The following ZMYM2 variants were observed in gnomAD, a reference collection of about 807,000 sequenced individuals.
ZMYM2 encodes the protein zinc finger MYM-type containing 2.
In ZMYM2, 56 loss-of-function variants were observed where a neutral mutation model predicts 162.8. The ratio of observed to expected loss-of-function variants is 0.34; its 90% CI spans 0.28 to 0.43. The LOEUF (loss-of-function observed/expected upper bound fraction) is 0.43, where lower values mean the gene tolerates loss of function less well. ZMYM2 is among the 20% of genes least tolerant of loss of function. The pLI, the probability that ZMYM2 is intolerant of heterozygous loss-of-function variation, is 1.00. For synonymous variants in ZMYM2, 510 were observed against 541.6 expected (o/e 0.94, Z 0.81); for missense variants, 1,275 against 1,621.8 (o/e 0.79, Z 3.67).
chr13:20,031,990 C>T (rs536422904), intron 10 of ZMYM2, among the ~76,000 whole-genome samples: 51 of 151,254 alleles, frequency 3.4e-4, no homozygotes, highest in African/African-American at 1.2e-3. Flanking sequence ...CCTGCCTCAG[C>T]GTCCCAAGTA....
intron 12 of ZMYM2, among the ~76,000 whole-genome samples, chr13:20,043,243 G>A (rs1375766893): frequency 6.6e-6 from 1 of 152,186 alleles, no homozygotes; most frequent in African/African-American, 2.4e-5. Context: ...AGACTGACGT[G>A]TTTGGGGCCG....
chr13:19,894,639 G>A, the ZMYM2 span, among the ~76,000 whole-genome samples: 2 of 151,930 alleles, frequency 1.3e-5, no homozygotes, highest in Non-Finnish European at 2.9e-5. Flanking sequence ...CCTTGGCCCA[G>A]CCAAAGTACT....
intron 2 of ZMYM2, among the ~76,000 whole-genome samples, chr13:19,986,574 T>G (rs1949160861): frequency 6.6e-6 from 1 of 151,828 alleles, no homozygotes; most frequent in African/African-American, 2.4e-5. Context: ...TAAATAAATT[T>G]GAAAAAAAAA....
At chr13:20,031,212 A>G in intron 9 of ZMYM2, 107 bp from the exon 10 acceptor site, 1 of 729,740 alleles carries the variant, frequency 1.4e-6, no homozygotes, top group Non-Finnish European at 2.2e-6. Flanking sequence ...AAAGATATCT[A>G]AGCAAGATGT....
the ZMYM2 span, among the ~76,000 whole-genome samples, chr13:19,951,026 T>C: frequency 2.6e-5 from 4 of 152,214 alleles, no homozygotes; most frequent in African/African-American, 7.2e-5. Context: ...TGTGTGATTT[T>C]TTAATTTATT....
intron 2 of ZMYM2, among the ~76,000 whole-genome samples, chr13:19,984,498 G>A (rs1377551884): frequency 6.6e-6 from 1 of 152,178 alleles, no homozygotes; most frequent in African/African-American, 2.4e-5. Flanking sequence ...TAGAAGAAAA[G>A]CCATGTGAAC....
chr13:19,955,722 A>G (rs1057463752), upstream of ZMYM2, among the ~76,000 whole-genome samples: 6 of 152,076 alleles, frequency 3.9e-5, no homozygotes, highest in Admixed American at 3.9e-4. Flanking sequence ...CCTGGGTTCA[A>G]GCGATTCTCC....
intron 2 of ZMYM2, chr13:19,965,388 TC>T: frequency 3.7e-6 from 2 of 547,670 alleles, no homozygotes; most frequent in Non-Finnish European, 5.7e-6. Context: ...AAGAGGTATG[TC>T]TTTTTCCTAG....
At chr13:19,893,722 A>C in the ZMYM2 span, among the ~76,000 whole-genome samples, 3 of 151,932 alleles carry the variant, frequency 2.0e-5, no homozygotes, top group African/African-American at 7.3e-5. Flanking sequence ...CCTGGGCGAC[A>C]GAGTGAGACT....
chr13:20,052,261 T>C lies in ZMYM2; in HGVS notation c.2459-16T>C. ...AAGAGTATTTGTCTTATTTTAAATT[T>C]TTTTGTGTTTTTTAGATCAGGGTTG... On this transcript the variant is annotated splice_polypyrimidine_tract_variant and intron_variant, in intron 13 of 24. Coordinates refer to ENST00000610343, the MANE Select transcript of ZMYM2 (RefSeq NM_197968.4). The C allele has an allele frequency of 6.5e-7, 1 of 1,547,066 alleles. No homozygotes were observed. The highest frequency in any genetic ancestry group is 2.4e-5 in the East Asian group (1 of 41,752).
chr13:19,906,540 T>A, the ZMYM2 span, among the ~76,000 whole-genome samples: 1 of 10,190 alleles, frequency 9.8e-5, no homozygotes, highest in African/African-American at 1.3e-4. Context: ...ATATATATAT[T>A]TTTTTTGTTT....
chr13:20,044,428 C>T (rs1043586161), intron 12 of ZMYM2, among the ~76,000 whole-genome samples: 5 of 152,096 alleles, frequency 3.3e-5, no homozygotes, highest in Non-Finnish European at 7.4e-5. Context: ...ATTCCTTCTC[C>T]TTAAGCCAAG....
intron 9 of ZMYM2, chr13:20,028,046 C>T (rs1021293919): frequency 8.4e-5 from 15 of 179,036 alleles, no homozygotes; most frequent in African/African-American, 3.1e-4. Flanking sequence ...ATTCATCCAA[C>T]AATTCTGCTT....
the ZMYM2 span, among the ~76,000 whole-genome samples, chr13:19,924,056 CT>C: frequency 6.6e-6 from 1 of 152,116 alleles, no homozygotes; most frequent in Non-Finnish European, 1.5e-5. Flanking sequence ...CACTTTGTAA[CT>C]ATCATAACAT....
chr13:20,058,200 CTG>C (rs1446325841), intron 14 of ZMYM2, among the ~76,000 whole-genome samples: 1 of 152,140 alleles, frequency 6.6e-6, no homozygotes, highest in Non-Finnish European at 1.5e-5. Flanking sequence ...GCCATAATAA[CTG>C]TTGGATCTTC....
chr13:19,937,785 C>T, the ZMYM2 span, among the ~76,000 whole-genome samples: 2,933 of 102,278 alleles, frequency 0.029, 85 homozygotes, highest in East Asian at 0.15. Context: ...CTATCCCTCC[C>T]CCCGCCCCCC....
At chr13:20,051,367 C>G (rs1955329973) in intron 12 of ZMYM2, 66 bp from the exon 13 acceptor site, 4 of 1,539,686 alleles carry the variant, frequency 2.6e-6, no homozygotes, top group Admixed American at 2.0e-5. Context: ...GCAATAATCA[C>G]TGATAAACTT....
At chr13:19,995,292 C>T (rs891172594) in intron 3 of ZMYM2, among the ~76,000 whole-genome samples, 1 of 152,020 alleles carries the variant, frequency 6.6e-6, no homozygotes, top group Admixed American at 6.6e-5. Flanking sequence ...GTCTACAACT[C>T]GATAATGCCG....
chr13:19,937,894 T>C, the ZMYM2 span, among the ~76,000 whole-genome samples: 3 of 150,470 alleles, frequency 2.0e-5, no homozygotes, highest in Non-Finnish European at 4.4e-5. Context: ...TGGTGTTTGG[T>C]TTTTTGTCCT....
Sources: gnomAD v4.1 joint callset for allele counts (sites outside exome capture counted in the v4.1 genomes callset) on GRCh38, gnomAD v4.1.1 for gene constraint, MANE v1.5 for transcripts, NCBI Gene and HGNC (gene_info 2026-07-23, HGNC 2026-07-21) for gene names.